Variants in CAMSAP2 observed in about 807,000 individuals in gnomAD.
CAMSAP2 encodes the protein calmodulin-regulated spectrin-associated protein 2.
In CAMSAP2, 26 loss-of-function variants were observed where a neutral mutation model predicts 146.1. The ratio of observed to expected loss-of-function variants is 0.18; its 90% CI spans 0.13 to 0.25. The LOEUF (loss-of-function observed/expected upper bound fraction) is 0.25. Ranked by LOEUF, CAMSAP2 falls within the 10% of genes least tolerant of loss-of-function variation. The pLI is 1.00. For missense variants in CAMSAP2, 1,381 were observed against 1,759.3 expected, an observed-to-expected ratio of 0.78 and a Z score of 3.85; for synonymous variants, 499 against 596.6, an observed-to-expected ratio of 0.84 and a Z score of 2.38.
intron 2 of CAMSAP2, among the ~76,000 whole-genome samples, chr1:200,799,475 T>A (rs1665978695): frequency 6.6e-6 from 1 of 152,226 alleles, no homozygotes; most frequent in African/African-American, 2.4e-5. Context: ...GTTTATAGTA[T>A]TCTCTGATGG....
At position 200,739,660 on chromosome 1, in the gene CAMSAP2, A is replaced by C; in HGVS notation, c.-168A>C. 4 of 473,144 alleles carry C rather than the reference A, an allele frequency of 8.5e-6. No homozygotes were observed. Among genetic ancestry groups the C allele is most frequent in the South Asian group, 9.1e-5 (1 of 10,996 alleles). 29.3% of individuals were successfully genotyped at this position (473,144 alleles called of 1,614,324 possible). ...GGCGGCGGCTCCCGCGGGAGGCGGC[A>C]GGCGCGCGGCGCGGACAGCTGAGCT... On this transcript the variant is annotated 5_prime_UTR_variant, in exon 1 of 17. Coordinates refer to ENST00000358823, the MANE Select transcript of CAMSAP2 (RefSeq NM_203459.4). The surrounding 1 kb of genome is among the most constrained non-coding windows in gnomAD (Gnocchi z 4.8).
intron 2 of CAMSAP2, among the ~76,000 whole-genome samples, chr1:200,805,710 G>A (rs528259695): frequency 2.6e-4 from 39 of 152,248 alleles, no homozygotes; most frequent in African/African-American, 8.9e-4. Context: ...TCAAACCAAC[G>A]ACAAAACTTA....
At chr1:200,793,635 TTATGGTATAATTAAAGTGGC>T (rs1172553693) in intron 2 of CAMSAP2, among the ~76,000 whole-genome samples, 1 of 152,164 alleles carries the variant, frequency 6.6e-6, no homozygotes, top group African/African-American at 2.4e-5. Context: ...CTCTGCATAT[TTATGGTATAATTAAAGTGGC>T]TTATATTTGC....
intron 2 of CAMSAP2, among the ~76,000 whole-genome samples, chr1:200,793,793 G>A (rs549389026): frequency 2.0e-5 from 3 of 151,862 alleles, no homozygotes; most frequent in African/African-American, 7.2e-5. Context: ...ACTCACAAAC[G>A]TTGTTTAATT....
intron 2 of CAMSAP2, among the ~76,000 whole-genome samples, chr1:200,778,055 T>C (rs1255769957): frequency 2.0e-5 from 3 of 152,188 alleles, no homozygotes; most frequent in African/African-American, 7.2e-5. Flanking sequence ...CTGGGCAACA[T>C]AGTGAGAACT....
At chr1:200,835,947 TTGTC>T (rs1571814810) in intron 6 of CAMSAP2, among the ~76,000 whole-genome samples, 2 of 152,210 alleles carry the variant, frequency 1.3e-5, no homozygotes, top group African/African-American at 2.4e-5. Context: ...TATATCAACT[TTGTC>T]TGGGTACGAC....
chr1:200,822,958 T>A (rs1271982104), intron 4 of CAMSAP2, among the ~76,000 whole-genome samples: 1 of 152,168 alleles, frequency 6.6e-6, no homozygotes, highest in Non-Finnish European at 1.5e-5. Context: ...AAACTATGGG[T>A]AAGGGGGGGA....
intron 4 of CAMSAP2, among the ~76,000 whole-genome samples, chr1:200,823,682 G>C (rs1666831727): frequency 6.6e-6 from 1 of 152,068 alleles, no homozygotes; most frequent in Admixed American, 6.6e-5. Context: ...ATGATCCCTT[G>C]GTTAAGGTAG....
chr1:200,767,176 CA>C (rs921054677), intron 2 of CAMSAP2, among the ~76,000 whole-genome samples: 14 of 150,724 alleles, frequency 9.3e-5, no homozygotes, highest in African/African-American at 2.4e-4. Context: ...ACTAAAAATA[CA>C]AAAAAAAATT....
chr1:200,847,929 C>A, intron 10 of CAMSAP2, 103 bp from the exon 11 acceptor site: 2 of 916,018 alleles, frequency 2.2e-6, no homozygotes, highest in South Asian at 1.9e-5. Flanking sequence ...ATTATGAGAA[C>A]TGGGGAAAGA....
intron 2 of CAMSAP2, among the ~76,000 whole-genome samples, chr1:200,800,327 G>C (rs1470434958): frequency 2.6e-5 from 4 of 152,130 alleles, no homozygotes; most frequent in African/African-American, 9.7e-5. Context: ...CTAAGAACTT[G>C]CTTTATGAAT....
intron 1 of CAMSAP2, among the ~76,000 whole-genome samples, chr1:200,751,958 G>A (rs1664518121): frequency 6.6e-6 from 1 of 152,168 alleles, no homozygotes; most frequent in African/African-American, 2.4e-5. Flanking sequence ...TGACGTGGAA[G>A]CACTGGATTG....
At chr1:200,799,049 G>A (rs2103039356) in intron 2 of CAMSAP2, among the ~76,000 whole-genome samples, 1 of 152,308 alleles carries the variant, frequency 6.6e-6, no homozygotes, top group East Asian at 1.9e-4. Context: ...GCTTTTTGAT[G>A]TGGTGCTGGA....
At chr1:200,819,517 A>G (rs1294257198) in intron 4 of CAMSAP2, among the ~76,000 whole-genome samples, 2 of 152,230 alleles carry the variant, frequency 1.3e-5, no homozygotes, top group South Asian at 2.1e-4. Flanking sequence ...AAGAGTTTGT[A>G]TAAAGTACTA....
chr1:200,782,782 C>CTTTTTTTTTT (rs57995961), intron 2 of CAMSAP2, among the ~76,000 whole-genome samples: 6 of 72,286 alleles, frequency 8.3e-5, no homozygotes, highest in Non-Finnish European at 1.6e-4. Flanking sequence ...TCATTTCTCT[C>CTTTTTTTTTT]TTTTTTTTTT....
chr1:200,769,209 A>AT (rs1665044966), intron 2 of CAMSAP2, among the ~76,000 whole-genome samples: 1 of 152,036 alleles, frequency 6.6e-6, no homozygotes, highest in African/African-American at 2.4e-5. Flanking sequence ...GAACTCTTGT[A>AT]TTTTTTACCT....
At chr1:200,837,791 C>T (rs12354382) in intron 6 of CAMSAP2, among the ~76,000 whole-genome samples, 2,784 of 152,190 alleles carry the variant, frequency 0.018, 39 homozygotes, top group Non-Finnish European at 0.029. Flanking sequence ...TCTTTCACTT[C>T]CCTGGTTAGC....
chr1:200,783,335 T>C lies in CAMSAP2; in HGVS notation c.399+22237T>C, dbSNP rs575593509. Among the ~76,000 whole-genome samples, 80 of 152,360 alleles carry C rather than the reference T, an allele frequency of 5.3e-4. 1 individual carries two copies. In the South Asian group the frequency reaches 7.7e-3, roughly 15 times the overall value. On this transcript the variant is annotated intron_variant, in intron 2 of 16. Transcript: ENST00000358823. ...TGCTTACTGGTCATTCATACATCTT[T>C]TATGAAATGTCTGTTCAAATCTTTT...
At chr1:200,770,544 G>A (rs2103012442) in intron 2 of CAMSAP2, among the ~76,000 whole-genome samples, 1 of 151,816 alleles carries the variant, frequency 6.6e-6, no homozygotes, top group South Asian at 2.1e-4. Context: ...CTCCTGAATA[G>A]CTGGGACTAC....
Sources: allele counts gnomAD v4.1 joint callset (sites outside exome capture counted in the v4.1 genomes callset), GRCh38; gene constraint gnomAD v4.1.1; non-coding constraint Gnocchi (gnomAD v3.1); transcripts MANE v1.5; gene names NCBI Gene and HGNC (gene_info 2026-07-23, HGNC 2026-07-21).